The following NALF1 variants were observed in gnomAD, a reference collection of about 807,000 sequenced individuals.
The protein encoded by NALF1 is family with sequence similarity 155 member A.
In NALF1, 3 loss-of-function variants were observed where a neutral mutation model predicts 48.4. The ratio of observed to expected loss-of-function variants is 0.06; its 90% CI spans 0.03 to 0.16. NALF1 has a LOEUF of 0.16. NALF1 is among the 10% of genes least tolerant of loss of function. The pLI, the probability that NALF1 is intolerant of heterozygous loss-of-function variation, is 1.00. For synonymous variants in NALF1, 262 were observed against 245.7 expected (o/e 1.07, Z -0.62); for missense variants, 526 against 571.5 (o/e 0.92, Z 0.81).
chr13:107,779,023 C>T (rs1331203616), intron 1 of NALF1, among the ~76,000 whole-genome samples: 1 of 152,144 alleles, frequency 6.6e-6, no homozygotes, highest in Non-Finnish European at 1.5e-5. Context: ...AGTTCTGCTG[C>T]TTCTTTCTTT....
intron 1 of NALF1, among the ~76,000 whole-genome samples, chr13:107,586,477 T>C (rs563001442): frequency 1.3e-5 from 2 of 152,080 alleles, no homozygotes; most frequent in South Asian, 4.2e-4. Context: ...TACCATTCTG[T>C]TATGAGTCCA....
chr13:107,269,185 T>A (rs1010104623), intron 1 of NALF1, among the ~76,000 whole-genome samples: 6 of 151,458 alleles, frequency 4.0e-5, no homozygotes, highest in Non-Finnish European at 4.4e-5. Flanking sequence ...AAAAAGAATT[T>A]AAAAAAATAG....
intron 1 of NALF1, among the ~76,000 whole-genome samples, chr13:107,299,854 C>G (rs1206057011): frequency 1.3e-5 from 2 of 152,144 alleles, no homozygotes; most frequent in Admixed American, 6.5e-5. Flanking sequence ...ATCTGGCTTT[C>G]TTTGGACACA....
chr13:107,417,786 C>T (rs537629219), intron 1 of NALF1, among the ~76,000 whole-genome samples: 5 of 152,238 alleles, frequency 3.3e-5, no homozygotes, highest in East Asian at 1.9e-4. Flanking sequence ...GCTAGCTGGG[C>T]GCAGTTGCTT....
At chr13:107,828,166 C>G (rs749400600) in intron 1 of NALF1, among the ~76,000 whole-genome samples, 3 of 152,116 alleles carry the variant, frequency 2.0e-5, no homozygotes, top group African/African-American at 4.8e-5. Context: ...TTTTATTAAG[C>G]CATGCAATCT....
At chr13:107,851,805 C>CATTTTTTTTTTTTTT (rs1555329721) in intron 1 of NALF1, among the ~76,000 whole-genome samples, 1,299 of 104,656 alleles carry the variant, frequency 0.012, 109 homozygotes, top group East Asian at 0.044. Context: ...CAGGCCCTTT[C>CATTTTTTTTTTTTTT]TTTTTTTTTT....
intron 1 of NALF1, among the ~76,000 whole-genome samples, chr13:107,797,400 G>A (rs1878461042): frequency 6.6e-6 from 1 of 151,952 alleles, no homozygotes. Context: ...TAGTAGAGAG[G>A]GGGTTTCACC....
intron 1 of NALF1, among the ~76,000 whole-genome samples, chr13:107,724,241 CTTT>C (rs1365542771): frequency 2.6e-5 from 4 of 151,856 alleles, no homozygotes; most frequent in Non-Finnish European, 4.4e-5. Context: ...AAATTTTGCT[CTTT>C]TTTAATTCTT....
At chr13:107,300,261 C>T (rs9520368) in intron 1 of NALF1, among the ~76,000 whole-genome samples, 38,502 of 152,090 alleles carry the variant, frequency 0.25, 5,214 homozygotes, top group Non-Finnish European at 0.28. Context: ...TTCCAGCTAC[C>T]GTCCTGTTCT....
chr13:107,448,861 G>GT (rs895534671), intron 1 of NALF1, among the ~76,000 whole-genome samples: 1 of 152,180 alleles, frequency 6.6e-6, no homozygotes, highest in African/African-American at 2.4e-5. Flanking sequence ...TCAAGCTGAT[G>GT]TGAGAGGAGC....
intron 1 of NALF1, among the ~76,000 whole-genome samples, chr13:107,775,950 A>T (rs1437452104): frequency 2.0e-5 from 3 of 152,200 alleles, no homozygotes; most frequent in Non-Finnish European, 2.9e-5. Context: ...CCAAATGGTG[A>T]TATCATAGTC....
intron 1 of NALF1, among the ~76,000 whole-genome samples, chr13:107,826,009 G>A (rs1879505000): frequency 6.6e-6 from 1 of 152,184 alleles, no homozygotes; most frequent in Non-Finnish European, 1.5e-5. Flanking sequence ...TCAATCTCTT[G>A]ACCTCGTGAC....
At chr13:107,296,140 T>A (rs1035957778) in intron 1 of NALF1, among the ~76,000 whole-genome samples, 1 of 152,222 alleles carries the variant, frequency 6.6e-6, no homozygotes, top group African/African-American at 2.4e-5. Context: ...ATGAAAAATA[T>A]AGAAAAATTA....
chr13:107,591,812 T>C (rs1878610124), intron 1 of NALF1, among the ~76,000 whole-genome samples: 1 of 152,040 alleles, frequency 6.6e-6, no homozygotes, highest in African/African-American at 2.4e-5. Context: ...TTAAACATTG[T>C]CTGAACATTT....
rs112462946 is a variant in NALF1, at chr13:107,709,197, C to T, written c.915+156485G>A. On this transcript the variant is annotated intron_variant, in intron 1 of 2. Transcript: ENST00000375915. ...AGTCCATAAATATCACTTCCAAGGG[C>T]TCAGTGTCACTTAGATCTAGATTCA... Among the ~76,000 whole-genome samples, 693 of 152,202 alleles carry T rather than the reference C, an allele frequency of 4.6e-3. 4 individuals carry two copies. The highest frequency in any genetic ancestry group is 0.015 in the African/African-American group (643 of 41,514).
chr13:107,496,724 G>C (rs1448536500), intron 1 of NALF1, among the ~76,000 whole-genome samples: 1 of 152,154 alleles, frequency 6.6e-6, no homozygotes, highest in Non-Finnish European at 1.5e-5. Flanking sequence ...GTTCCACATG[G>C]CTGGGGAAGC....
rs957852273 is a variant in NALF1, at chr13:107,656,579, C to T, written c.915+209103G>A. On this transcript the variant is annotated intron_variant, in intron 1 of 2. Transcript: ENST00000375915. Reference sequence around the variant, plus strand: ...CTGGTGGGAATGTAAACTGGTACAGCCACTATGGAAAACAATAGGGGGATT... The same window carrying T: ...CTGGTGGGAATGTAAACTGGTACAGTCACTATGGAAAACAATAGGGGGATT... 2.4e-4 allele frequency among the ~76,000 whole-genome samples: 36 copies of T among 152,088 alleles called. 1 individual carries two copies. Among genetic ancestry groups the T allele is most frequent in the African/African-American group, 8.7e-4 (36 of 41,412 alleles).
chr13:107,291,306 A>C (rs1380704192), intron 1 of NALF1, among the ~76,000 whole-genome samples: 1 of 152,074 alleles, frequency 6.6e-6, no homozygotes, highest in Non-Finnish European at 1.5e-5. Flanking sequence ...ACATAGGTTG[A>C]GCATCCCTAA....
intron 1 of NALF1, among the ~76,000 whole-genome samples, chr13:107,324,541 C>G (rs1882315234): frequency 6.6e-6 from 1 of 151,972 alleles, no homozygotes; most frequent in East Asian, 1.9e-4. Flanking sequence ...GAAGAAAATC[C>G]CTAAATTCCA....
Sources: allele counts gnomAD v4.1 joint callset (sites outside exome capture counted in the v4.1 genomes callset), GRCh38; gene constraint gnomAD v4.1.1; transcripts MANE v1.5; gene names NCBI Gene and HGNC (gene_info 2026-07-23, HGNC 2026-07-21).